Variants in CTBP2 observed in about 807,000 individuals in gnomAD.
CTBP2 encodes C-terminal binding protein 2.
Under a neutral mutation model 80.3 loss-of-function variants are expected in CTBP2, and 30 were observed. The observed-to-expected ratio is 0.37, with a 90% CI of 0.28 to 0.51. The LOEUF (loss-of-function observed/expected upper bound fraction) is 0.51, where lower values mean the gene tolerates loss of function less well. CTBP2 is among the 20% of genes least tolerant of loss of function. The probability of loss-of-function intolerance (pLI) is 0.93; values close to 1 mark genes in which losing one functional copy is unlikely to be tolerated. For synonymous variants in CTBP2, 594 were observed against 587.4 expected (o/e 1.01, Z -0.16); for missense variants, 1,212 against 1,375.3 (o/e 0.88, Z 1.88).
chr10:125,098,712 GAGAGAGAGAGAC>G (rs1850054938), intron 2 of CTBP2, among the ~76,000 whole-genome samples: 22 of 132,526 alleles, frequency 1.7e-4, no homozygotes, highest in South Asian at 9.7e-4. Flanking sequence ...GAGAGACAGA[GAGAGAGAGAGAC>G]AGAGAGAGAG....
chr10:125,091,399 C>G (rs151228746), intron 2 of CTBP2, among the ~76,000 whole-genome samples: 418 of 152,326 alleles, frequency 2.7e-3, no homozygotes, highest in African/African-American at 9.6e-3. Context: ...GTAAATCTTG[C>G]ATTGCACTGT....
At chr10:125,126,081 G>A (rs906582502) in intron 1 of CTBP2, among the ~76,000 whole-genome samples, 2 of 152,216 alleles carry the variant, frequency 1.3e-5, no homozygotes, top group Admixed American at 1.3e-4. Flanking sequence ...GGAGCCCAGG[G>A]CTCTGGCCTG....
chr10:125,155,842 A>C (rs1299119335), intron 1 of CTBP2, among the ~76,000 whole-genome samples: 1 of 152,182 alleles, frequency 6.6e-6, no homozygotes, highest in East Asian at 1.9e-4. Context: ...AGCGTAAATT[A>C]AGACATGCTT....
chr10:125,086,113 TC>T (rs1847928651), intron 2 of CTBP2, among the ~76,000 whole-genome samples: 2 of 152,258 alleles, frequency 1.3e-5, no homozygotes, highest in African/African-American at 4.8e-5. Context: ...AATGTTTGTG[TC>T]CCCCTGCAAA....
At chr10:125,089,382 G>A (rs984073529) in intron 2 of CTBP2, among the ~76,000 whole-genome samples, 2 of 152,136 alleles carry the variant, frequency 1.3e-5, no homozygotes, top group Non-Finnish European at 2.9e-5. Context: ...TGAAAGAGCC[G>A]ACCAAACTGG....
rs1589920137 is a variant in CTBP2 at position 124,994,478 on chromosome 10, G to A, written c.2391C>T (p.Thr797=). ...TCTATTTTCAAATTACCTGCTTTAT[G>A]GTAAAGTCATTGATGAGGTGGTGGT... The change falls in exon 5 of 9, where the codon ACC becomes ACT. Residue 797 remains threonine (T), a synonymous_variant. Coordinates refer to ENST00000309035, the MANE Select transcript of CTBP2 (RefSeq NM_022802.3). 1 of 1,613,908 alleles carries A rather than the reference G, an allele frequency of 6.2e-7. No individual in the cohort carries two copies. The highest frequency in any genetic ancestry group is 8.5e-7 in the Non-Finnish European group (1 of 1,179,810).
Position 125,026,681 on chromosome 10 carries a change from C to CG in CTBP2, c.1078dup (p.Arg360ProfsTer23). On this transcript the variant is annotated frameshift_variant, in exon 1 of 9. Transcript: ENST00000309035. LOFTEE classifies it high-confidence loss of function. ...CCGCGCCCGGGGCAGCGGGCCCCCCCGGTCCTGCCTCCGCAGCTGCATTTC... is the reference window on the plus strand; with the variant it reads ...CCGCGCCCGGGGCAGCGGGCCCCCCCGGGTCCTGCCTCCGCAGCTGCATTTC... 1 of 1,608,752 alleles carries CG rather than the reference C, an allele frequency of 6.2e-7. No homozygotes were observed. Among genetic ancestry groups the CG allele is most frequent in the South Asian group, 1.1e-5 (1 of 90,652 alleles).
At chr10:125,148,560 C>G (rs74163351) in intron 1 of CTBP2, among the ~76,000 whole-genome samples, 12,232 of 152,300 alleles carry the variant, frequency 0.08, 685 homozygotes, top group Middle Eastern at 0.14. Flanking sequence ...TGCTTCTAAG[C>G]TCTCGGGCCT....
chr10:125,098,662 GAGAGAGAGAGAGA>G (rs1849976961), intron 2 of CTBP2, among the ~76,000 whole-genome samples: 1 of 48,306 alleles, frequency 2.1e-5, no homozygotes, highest in African/African-American at 1.0e-4. Context: ...GAGGGGGAGA[GAGAGAGAGAGAGA>G]GAGAGAGAGA....
rs1952181512 is a variant in CTBP2 at position 124,988,683 on chromosome 10, C to T, written c.*835G>A. The T allele has an allele frequency of 6.6e-6, 1 of 151,688 alleles. No individual in the cohort carries two copies. The highest frequency in any genetic ancestry group is 2.4e-5 in the African/African-American group (1 of 41,300). 9.4% of individuals were successfully genotyped at this position (151,688 alleles called of 1,614,324 possible). ...AAAATATCACGTGAAGAAAAGAAGACTTTATCAATGTCTAAAAAAGTGGGT... is the reference window on the plus strand; with the variant it reads ...AAAATATCACGTGAAGAAAAGAAGATTTTATCAATGTCTAAAAAAGTGGGT... On this transcript the variant is annotated 3_prime_UTR_variant, in exon 9 of 9. Transcript: ENST00000309035.
intron 1 of CTBP2, among the ~76,000 whole-genome samples, chr10:125,009,414 G>T (rs909859990): frequency 6.6e-6 from 1 of 152,252 alleles, no homozygotes; most frequent in South Asian, 2.1e-4. Context: ...GCCGGGGCGG[G>T]ACAGGGAGTG....
rs547428674 is a variant in CTBP2 at position 124,998,022 on chromosome 10, G to T, written c.2127C>A (p.Arg709=). 1 of 1,613,264 alleles carries T rather than the reference G, an allele frequency of 6.2e-7. No individual in the cohort carries two copies. Among genetic ancestry groups the T allele is most frequent in the Non-Finnish European group, 8.5e-7 (1 of 1,180,002 alleles). Residue 709 remains arginine (R), a synonymous_variant, in exon 4 of 9, where the codon CGC becomes CGA. Transcript: ENST00000309035. ...TGCGGGCCGCTCCCGAGGCCACCTC[G>T]CGGATCTGCTCCACGCTCTGAACCC...
intron 1 of CTBP2, among the ~76,000 whole-genome samples, chr10:125,019,775 A>C (rs1217538079): frequency 1.3e-5 from 2 of 152,238 alleles, no homozygotes; most frequent in African/African-American, 4.8e-5. Flanking sequence ...TGTCACACCA[A>C]CGGCATAAGC....
chr10:125,089,508 C>T (rs1848469052), intron 2 of CTBP2, among the ~76,000 whole-genome samples: 1 of 152,168 alleles, frequency 6.6e-6, no homozygotes, highest in African/African-American at 2.4e-5. Flanking sequence ...CCTCCAAGAA[C>T]AGTTTCTGGC....
chr10:125,155,618 C>T (rs903471409), intron 1 of CTBP2, among the ~76,000 whole-genome samples: 1 of 151,894 alleles, frequency 6.6e-6, no homozygotes, highest in Non-Finnish European at 1.5e-5. Flanking sequence ...CCACTGAACA[C>T]CTTTAAAATG....
intron 1 of CTBP2, among the ~76,000 whole-genome samples, chr10:125,008,023 T>C (rs1955455102): frequency 6.6e-6 from 1 of 151,998 alleles, no homozygotes; most frequent in Non-Finnish European, 1.5e-5. Flanking sequence ...CTCCGCTCAC[T>C]GCAACCTCCA....
chr10:125,013,288 C>T (rs1451113418), intron 1 of CTBP2, among the ~76,000 whole-genome samples: 1 of 152,122 alleles, frequency 6.6e-6, no homozygotes, highest in East Asian at 1.9e-4. Flanking sequence ...TTACATATCC[C>T]ATGTGGGCAG....
intron 2 of CTBP2, among the ~76,000 whole-genome samples, chr10:125,071,106 T>A (rs1845415270): frequency 6.6e-6 from 1 of 152,220 alleles, no homozygotes; most frequent in South Asian, 2.1e-4. Flanking sequence ...CACATCCAGA[T>A]GCTCCCGAGC....
At chr10:125,000,137 G>C (rs752240760) in intron 3 of CTBP2, 1 of 152,322 alleles carries the variant, frequency 6.6e-6, no homozygotes, top group Admixed American at 6.5e-5. Context: ...ACTGCTCACC[G>C]GAGTGCAGAG....
Sources: gnomAD v4.1 joint callset for allele counts (sites outside exome capture counted in the v4.1 genomes callset) on GRCh38, gnomAD v4.1.1 for gene constraint, MANE v1.5 for transcripts, NCBI Gene and HGNC (gene_info 2026-07-23, HGNC 2026-07-21) for gene names.